SPAG16: variants seen among roughly 807,000 people sequenced by gnomAD.
The protein encoded by SPAG16 is sperm associated antigen 16.
In SPAG16, 86 loss-of-function variants were observed where a neutral mutation model predicts 80.4. The ratio of observed to expected loss-of-function variants is 1.07; its 90% confidence interval spans 0.90 to 1.28. The LOEUF is 1.28. Among genes scored for constraint, SPAG16 ranks in the 50% most tolerant of loss-of-function variants. The pLI is 0.00. For synonymous variants in SPAG16, 294 were observed against 265.9 expected (o/e 1.11, Z -1.03); for missense variants, 870 against 765.3 (o/e 1.14, Z -1.61).
intron 15 of SPAG16, among the ~76,000 whole-genome samples, chr2:214,201,324 C>T (rs2125719806): frequency 6.6e-6 from 1 of 152,246 alleles, no homozygotes; most frequent in East Asian, 1.9e-4. Context: ...TTTTAATTTA[C>T]TTGTAATAGG....
At chr2:214,054,008 T>TA in intron 13 of SPAG16, among the ~76,000 whole-genome samples, 2 of 152,036 alleles carry the variant, frequency 1.3e-5, no homozygotes, top group South Asian at 2.1e-4. Context: ...CCTTTTTTTT[T>TA]AAAAACGGAG....
intron 10 of SPAG16, among the ~76,000 whole-genome samples, chr2:213,796,491 A>C (rs1304094467): frequency 1.3e-5 from 2 of 152,184 alleles, no homozygotes; most frequent in African/African-American, 4.8e-5. Flanking sequence ...TTATGACTGA[A>C]TAATATTCCA....
At chr2:213,757,882 T>G (rs572890428) in intron 10 of SPAG16, among the ~76,000 whole-genome samples, 6 of 152,144 alleles carry the variant, frequency 3.9e-5, no homozygotes, top group African/African-American at 9.6e-5. Context: ...TGGTTATTGT[T>G]GCACCTCTAT....
intron 9 of SPAG16, among the ~76,000 whole-genome samples, chr2:213,411,903 G>GA (rs892874251): frequency 1.3e-5 from 2 of 148,282 alleles, no homozygotes; most frequent in Admixed American, 6.8e-5. Flanking sequence ...AAAAAAAAAA[G>GA]AAAAAAAGGT....
intron 12 of SPAG16, among the ~76,000 whole-genome samples, chr2:213,984,816 T>C (rs1295630698): frequency 6.6e-6 from 1 of 152,068 alleles, no homozygotes; most frequent in Admixed American, 6.6e-5. Flanking sequence ...CACTAGCCTC[T>C]GCAGCTCTTC....
intron 10 of SPAG16, among the ~76,000 whole-genome samples, chr2:213,845,666 C>G (rs866439314): frequency 1.3e-5 from 2 of 152,072 alleles, no homozygotes; most frequent in Non-Finnish European, 2.9e-5. Flanking sequence ...CACCTTAATT[C>G]TTTGTTAAAA....
chr2:213,529,698 C>T (rs1228892732), intron 10 of SPAG16, among the ~76,000 whole-genome samples: 1 of 152,106 alleles, frequency 6.6e-6, no homozygotes, highest in East Asian at 1.9e-4. Flanking sequence ...ACACAATGGT[C>T]AGTATTTGTA....
chr2:214,242,608 T>G (rs1030568524), intron 15 of SPAG16, among the ~76,000 whole-genome samples: 6 of 152,174 alleles, frequency 3.9e-5, no homozygotes, highest in African/African-American at 1.2e-4. Context: ...TATTGCATTT[T>G]TCTACATTTT....
rs1254384766 is a variant in SPAG16, at chr2:214,365,773, C to T, written c.1721-44367C>T. ...AGAGATGACAACTTTATTAGTCTGT[C>T]GTATAAAACAAGTTCTTCACTCTCT... On this transcript the variant is annotated intron_variant, in intron 15 of 15. Coordinates refer to ENST00000331683, the MANE Select transcript of SPAG16 (RefSeq NM_024532.5). Among the ~76,000 whole-genome samples the T allele has an allele frequency of 2.6e-5, 4 of 152,028 alleles. No individual in the cohort carries two copies. The East Asian group carries it at 5.8e-4, about 22-fold the overall frequency.
At chr2:213,801,874 T>C (rs2071429822) in intron 10 of SPAG16, among the ~76,000 whole-genome samples, 1 of 152,232 alleles carries the variant, frequency 6.6e-6, no homozygotes, top group African/African-American at 2.4e-5. Context: ...AGAATTAGTT[T>C]ATTTGATAAG....
At chr2:213,894,214 G>T (rs951050371) in intron 11 of SPAG16, among the ~76,000 whole-genome samples, 22 of 152,076 alleles carry the variant, frequency 1.4e-4, no homozygotes, top group Admixed American at 6.6e-4. Flanking sequence ...GAAAACTTTT[G>T]TCAAGAACAC....
intron 11 of SPAG16, among the ~76,000 whole-genome samples, chr2:213,876,927 A>G (rs1446517593): frequency 1.3e-5 from 2 of 152,198 alleles, no homozygotes; most frequent in Admixed American, 6.5e-5. Flanking sequence ...GGTCTTCAAC[A>G]ATGTTAAAAT....
intron 13 of SPAG16, among the ~76,000 whole-genome samples, chr2:214,041,978 G>GTTTATATATA (rs1410396491): frequency 8.6e-6 from 1 of 116,362 alleles, no homozygotes; most frequent in Non-Finnish European, 1.8e-5. Context: ...GTCTGTGTGT[G>GTTTATATATA]TATATATATA....
At chr2:213,499,714 G>A (rs1037653484) in intron 10 of SPAG16, among the ~76,000 whole-genome samples, 20 of 152,052 alleles carry the variant, frequency 1.3e-4, no homozygotes, top group African/African-American at 3.1e-4. Context: ...CACTACTCTC[G>A]TAATAATTAG....
At chr2:213,720,129 T>G (rs1436294852) in intron 10 of SPAG16, among the ~76,000 whole-genome samples, 1 of 152,120 alleles carries the variant, frequency 6.6e-6, no homozygotes, top group Non-Finnish European at 1.5e-5. Context: ...AAGTGGGATT[T>G]GAACAATGAG....
chr2:213,654,388 T>C (rs2063135924), intron 10 of SPAG16, among the ~76,000 whole-genome samples: 1 of 151,846 alleles, frequency 6.6e-6, no homozygotes, highest in Non-Finnish European at 1.5e-5. Flanking sequence ...TTTGTTTTAA[T>C]GTTAGCATAT....
chr2:213,765,151 A>G (rs1235377191), intron 10 of SPAG16, among the ~76,000 whole-genome samples: 2 of 152,240 alleles, frequency 1.3e-5, no homozygotes, highest in African/African-American at 4.8e-5. Flanking sequence ...CGGGCGGATC[A>G]CAAGGTCAGG....
intron 11 of SPAG16, among the ~76,000 whole-genome samples, chr2:213,927,812 C>T (rs2078554325): frequency 6.6e-6 from 1 of 151,972 alleles, no homozygotes; most frequent in South Asian, 2.1e-4. Context: ...TAATTTTTAT[C>T]CTATGCTAAG....
intron 10 of SPAG16, 102 bp downstream of exon 10, chr2:213,490,192 C>T (rs1446916613): frequency 5.9e-6 from 7 of 1,177,014 alleles, no homozygotes; most frequent in Non-Finnish European, 8.1e-6. Context: ...TTGCTTTTAG[C>T]CTTTCAAAAT....
Sources: allele counts gnomAD v4.1 joint callset (sites outside exome capture counted in the v4.1 genomes callset), GRCh38; gene constraint gnomAD v4.1.1; transcripts MANE v1.5; gene names NCBI Gene and HGNC (gene_info 2026-07-23, HGNC 2026-07-21).